LRRC7: variants seen among roughly 807,000 people sequenced by gnomAD.
LRRC7 encodes the protein leucine-rich repeat-containing protein 7.
A neutral mutation model predicts 175.7 loss-of-function variants in LRRC7; 23 were observed. That is an observed-to-expected ratio of 0.13 (90% CI 0.09 to 0.19). The LOEUF (loss-of-function observed/expected upper bound fraction) is 0.19, where lower values mean the gene tolerates loss of function less well. LRRC7 is among the 10% of genes least tolerant of loss of function. The pLI, the probability that LRRC7 is intolerant of heterozygous loss-of-function variation, is 1.00. For synonymous variants in LRRC7, 685 were observed against 680.9 expected (o/e 1.01, Z -0.09); for missense variants, 1,354 against 1,904.7 (o/e 0.71, Z 5.38).
chr1:70,024,333 G>T (rs1657856962), intron 17 of LRRC7, among the ~76,000 whole-genome samples: 1 of 151,104 alleles, frequency 6.6e-6, no homozygotes, highest in African/African-American at 2.4e-5. Flanking sequence ...ACAGTTCTGT[G>T]TGAATTCAAG....
chr1:69,818,091 A>G (rs1678810690), intron 4 of LRRC7, among the ~76,000 whole-genome samples: 1 of 152,064 alleles, frequency 6.6e-6, no homozygotes, highest in African/African-American at 2.4e-5. Flanking sequence ...TTTCTGACTT[A>G]GTTGCCTTTT....
chr1:69,671,051 C>T (rs967477800), intron 1 of LRRC7, among the ~76,000 whole-genome samples: 1 of 152,084 alleles, frequency 6.6e-6, no homozygotes, highest in Non-Finnish European at 1.5e-5. Context: ...GTCCCCTTTA[C>T]TTTTCCCTTC....
chr1:69,631,715 A>G (rs1652531029), intron 1 of LRRC7, among the ~76,000 whole-genome samples: 1 of 152,140 alleles, frequency 6.6e-6, no homozygotes, highest in Admixed American at 6.6e-5. Flanking sequence ...CTGTTCAATT[A>G]GATAATAGTG....
intron 11 of LRRC7, among the ~76,000 whole-genome samples, chr1:70,010,192 C>A (rs985081333): frequency 3.3e-5 from 5 of 152,144 alleles, no homozygotes; most frequent in African/African-American, 1.2e-4. Flanking sequence ...CTGACTTCAA[C>A]CCATATGCTT....
At chr1:69,683,074 A>G (rs1225593060) in intron 2 of LRRC7, among the ~76,000 whole-genome samples, 1 of 152,176 alleles carries the variant, frequency 6.6e-6, no homozygotes, top group Non-Finnish European at 1.5e-5. Context: ...AATGCAACAA[A>G]CGCAACAAAT....
chr1:69,840,122 G>A (rs1375426700), intron 7 of LRRC7, among the ~76,000 whole-genome samples: 6 of 151,852 alleles, frequency 4.0e-5, no homozygotes, highest in Non-Finnish European at 7.4e-5. Context: ...CATTTTCAAA[G>A]TTACTTGCAA....
At chr1:69,589,115 G>GGTGTGT (rs55678803) in intron 1 of LRRC7, among the ~76,000 whole-genome samples, 43 of 142,458 alleles carry the variant, frequency 3.0e-4, no homozygotes, top group Middle Eastern at 3.7e-3. Flanking sequence ...TCATAAAAAG[G>GGTGTGT]GTGTGTGTGT....
chr1:70,059,471 GAA>G lies in LRRC7; in HGVS notation c.4230+6328_4230+6329del, dbSNP rs1205292871. Among the ~76,000 whole-genome samples the G allele has an allele frequency of 7.7e-5, 10 of 129,118 alleles. No individual in the cohort carries two copies. In the South Asian group the frequency reaches 1.3e-3, roughly 16 times the overall value. 84.7% of individuals were successfully genotyped at this position (129,118 alleles called of 152,430 possible). On this transcript the variant is annotated intron_variant, in intron 23 of 26. Transcript: ENST00000651989. ...AATTTATCAGAAGAAGAAACTAGAA[GAA>G]AGTGTGTGTGTGTGTGTGTGTGTGT... is the stretch of plus-strand genomic sequence containing the variant.
intron 2 of LRRC7, among the ~76,000 whole-genome samples, chr1:69,719,072 A>G (rs920448019): frequency 2.0e-5 from 3 of 151,816 alleles, no homozygotes; most frequent in African/African-American, 7.2e-5. Flanking sequence ...CATTCAGGAT[A>G]TCGTTATTAT....
intron 4 of LRRC7, among the ~76,000 whole-genome samples, chr1:69,814,169 C>T (rs772598425): frequency 2.4e-4 from 37 of 152,004 alleles, no homozygotes; most frequent in Admixed American, 7.9e-4. Flanking sequence ...CAGGTGGTTG[C>T]ATAATGGGTT....
intron 2 of LRRC7, among the ~76,000 whole-genome samples, chr1:69,718,960 C>T (rs181795722): frequency 6.6e-6 from 1 of 151,926 alleles, no homozygotes; most frequent in Admixed American, 6.6e-5. Flanking sequence ...CTTTATTCTT[C>T]ATCTCTTTCC....
In LRRC7 at chr1:70,039,109, G is replaced by T; in HGVS notation, c.3285G>T (p.Glu1095Asp). The T allele has an allele frequency of 6.2e-7, 1 of 1,614,102 alleles. No individual in the cohort carries two copies. The highest frequency in any genetic ancestry group is 1.1e-5 in the South Asian group (1 of 91,070). The change falls in exon 21 of 27, where the codon GAG becomes GAT. Residue 1095 changes from glutamate (E) to aspartate (D), a missense_variant. Glu to Asp is a conservative substitution (Grantham distance 45, BLOSUM62 2). Around this residue, in one of 4 missense-constraint regions of LRRC7, gnomAD observed 1,032 missense variants for 1,227.2 expected, o/e 0.84. Coordinates refer to ENST00000651989, the MANE Select transcript of LRRC7 (RefSeq NM_001370785.2). ...CACCCCCTTTTCAACACAATCCCGA[G>T]TACGTGCAACAGGCCAGCAAAAACA... The part of the protein sequence containing the change: ...RIPPPFQHNP[E>D]YVQQASKNIA...
intron 4 of LRRC7, among the ~76,000 whole-genome samples, chr1:69,793,313 C>T (rs1365382688): frequency 1.3e-5 from 2 of 151,978 alleles, no homozygotes; most frequent in Admixed American, 6.6e-5. Flanking sequence ...CCAGATAGGA[C>T]CAAAAGAAGC....
At chr1:69,760,696 T>G (rs767072794) in intron 3 of LRRC7, among the ~76,000 whole-genome samples, 7 of 151,902 alleles carry the variant, frequency 4.6e-5, no homozygotes, top group Non-Finnish European at 1.0e-4. Context: ...ATCAATAGTT[T>G]ATGTTTAGAA....
chr1:69,818,129 T>C (rs1678816218), intron 4 of LRRC7, among the ~76,000 whole-genome samples: 1 of 152,106 alleles, frequency 6.6e-6, no homozygotes, highest in Admixed American at 6.6e-5. Context: ...AACCCTCTGG[T>C]TAAAACTTTC....
intron 7 of LRRC7, among the ~76,000 whole-genome samples, chr1:69,870,673 C>T (rs186811275): frequency 3.9e-5 from 6 of 151,978 alleles, no homozygotes; most frequent in East Asian, 3.9e-4. Flanking sequence ...GTATAGTAAA[C>T]GCTTATGGAG....
rs568264954 is a variant in LRRC7 at position 69,798,468 on chromosome 1, A to G, written c.421+6308A>G. 2.0e-3 allele frequency among the ~76,000 whole-genome samples: 302 copies of G among 152,278 alleles called. 2 individuals are homozygous for G. The highest frequency in any genetic ancestry group is 3.5e-3 in the Non-Finnish European group (238 of 68,032). Reference sequence around the variant, plus strand: ...TACTAATACACCCTGTGTATTGTCTATCCTAACACTTAATATTGTATTAAA... The same window carrying G: ...TACTAATACACCCTGTGTATTGTCTGTCCTAACACTTAATATTGTATTAAA... On this transcript the variant is annotated intron_variant, in intron 4 of 26. Transcript: ENST00000651989.
chr1:69,994,628 T>G lies in LRRC7; in HGVS notation c.999T>G (p.Ile333Met). Residue 333 changes from isoleucine to methionine, a missense_variant, in exon 11 of 27, where the codon ATT (isoleucine) becomes ATG (methionine). This residue lies in a region of LRRC7 where 201 missense variants were observed against 481.4 expected (regional missense o/e 0.42). Coordinates refer to ENST00000651989, the MANE Select transcript of LRRC7 (RefSeq NM_001370785.2). ...AACTTACAATGCTACCCAATACAAT[T>G]GGAAAGTAAGTGCCAACTTTTCATT... is the stretch of plus-strand genomic sequence containing the variant. Reference protein sequence around the residue: ...DNQLTMLPNTIGNLSLLEEFD... With the variant: ...DNQLTMLPNTMGNLSLLEEFD... The G allele has an allele frequency of 1.9e-6, 3 of 1,608,774 alleles. No individual in the cohort carries two copies. Among genetic ancestry groups the G allele is most frequent in the Non-Finnish European group, 2.5e-6 (3 of 1,176,716 alleles).
Position 69,781,254 on chromosome 1 carries a change from G to T in LRRC7, c.304-10789G>T, listed in dbSNP as rs567502140. Among the ~76,000 whole-genome samples the T allele has an allele frequency of 3.9e-5, 6 of 152,182 alleles. No individual in the cohort carries two copies. The East Asian group carries it at 9.7e-4, about 25-fold the overall frequency. ...AATTCTTCTGGGGCCTGCGGCCTTTGTGAGGGCTCACTGGATCCTTGTCTT... is the reference window on the plus strand; with the variant it reads ...AATTCTTCTGGGGCCTGCGGCCTTTTTGAGGGCTCACTGGATCCTTGTCTT... On this transcript the variant is annotated intron_variant, in intron 3 of 26. Transcript: ENST00000651989.
Sources: gnomAD v4.1 joint callset for allele counts (sites outside exome capture counted in the v4.1 genomes callset) on GRCh38, gnomAD v4.1.1 for gene constraint, gnomAD v4.1.1 regional missense constraint, MANE v1.5 for transcripts, NCBI Gene and HGNC (gene_info 2026-07-23, HGNC 2026-07-21) for gene names.